The following DNAJB6 variants were observed in gnomAD, a reference collection of about 807,000 sequenced individuals.
DNAJB6 encodes the protein dnaJ homolog subfamily B member 6.
A neutral mutation model predicts 42.7 loss-of-function variants in DNAJB6; 16 were observed. That is an observed-to-expected ratio of 0.37 (90% CI 0.25 to 0.57). DNAJB6 has a LOEUF of 0.57. DNAJB6 is among the 20% of genes least tolerant of loss of function. DNAJB6 has a pLI of 0.74. For synonymous variants in DNAJB6, 170 were observed against 163.5 expected (o/e 1.04, Z -0.30); for missense variants, 347 against 416.8 (o/e 0.83, Z 1.46).
At chr7:157,344,428 G>A (rs563962978) in intron 1 of DNAJB6, among the ~76,000 whole-genome samples, 8 of 151,568 alleles carry the variant, frequency 5.3e-5, no homozygotes, top group Admixed American at 3.9e-4. Context: ...CAGGAGAATC[G>A]CTGGAACCAG....
At chr7:157,354,333 G>C (rs992686674) in intron 1 of DNAJB6, among the ~76,000 whole-genome samples, 8 of 151,970 alleles carry the variant, frequency 5.3e-5, no homozygotes, top group Non-Finnish European at 1.5e-5. Context: ...TTTTAGTAGA[G>C]ACAAGGTTGC....
intron 8 of DNAJB6, among the ~76,000 whole-genome samples, chr7:157,394,378 G>GT (rs905381745): frequency 1.6e-4 from 24 of 152,084 alleles, no homozygotes; most frequent in African/African-American, 5.8e-4. Flanking sequence ...CTTAAAAAAT[G>GT]TTTAAGTCCA....
At chr7:157,345,055 G>A (rs1392529225) in intron 1 of DNAJB6, among the ~76,000 whole-genome samples, 1 of 151,862 alleles carries the variant, frequency 6.6e-6, no homozygotes, top group African/African-American at 2.4e-5. Flanking sequence ...GTGCAATGGA[G>A]TGGTCTCGGC....
At chr7:157,346,361 C>G (rs1032686699) in intron 1 of DNAJB6, among the ~76,000 whole-genome samples, 1 of 143,292 alleles carries the variant, frequency 7.0e-6, no homozygotes, top group Non-Finnish European at 1.5e-5. Flanking sequence ...CTTAGTTTCT[C>G]TGTGACTAGG....
chr7:157,338,181 A>T (rs1798150564), intron 1 of DNAJB6, among the ~76,000 whole-genome samples: 1 of 152,236 alleles, frequency 6.6e-6, no homozygotes, highest in African/African-American at 2.4e-5. Context: ...TAACCATTAA[A>T]GCTTGATTGC....
chr7:157,361,564 T>C (rs1799599382), intron 2 of DNAJB6, among the ~76,000 whole-genome samples: 1 of 152,222 alleles, frequency 6.6e-6, no homozygotes, highest in African/African-American at 2.4e-5. Context: ...GTTGAACATG[T>C]TGTAAGTTAA....
chr7:157,371,258 C>G (rs1800196088), intron 5 of DNAJB6, among the ~76,000 whole-genome samples: 1 of 152,260 alleles, frequency 6.6e-6, no homozygotes, highest in Admixed American at 6.5e-5. Context: ...ATCATATTTA[C>G]TAGACCTGGT....
chr7:157,363,901 T>C (rs940490650), intron 3 of DNAJB6, among the ~76,000 whole-genome samples: 3 of 151,948 alleles, frequency 2.0e-5, no homozygotes, highest in African/African-American at 7.2e-5. Context: ...AGGCTGTGCA[T>C]GGGGCCTGGG....
chr7:157,341,249 C>CGAGT (rs1264775204), intron 1 of DNAJB6, among the ~76,000 whole-genome samples: 1 of 152,046 alleles, frequency 6.6e-6, no homozygotes, highest in Non-Finnish European at 1.5e-5. Context: ...CTCAGCCTCC[C>CGAGT]GAGTAGCTGT....
chr7:157,394,892 C>T (rs1042677061), intron 8 of DNAJB6, among the ~76,000 whole-genome samples: 1 of 152,152 alleles, frequency 6.6e-6, no homozygotes, highest in African/African-American at 2.4e-5. Context: ...TTGCTTGAGC[C>T]CAGCCTGGGC....
chr7:157,364,153 C>T (rs147346744), intron 3 of DNAJB6, among the ~76,000 whole-genome samples: 4 of 151,692 alleles, frequency 2.6e-5, no homozygotes, highest in East Asian at 3.9e-4. Flanking sequence ...TGCAGTGAGC[C>T]GAGATTGCGC....
At chr7:157,410,378 C>A in intron 9 of DNAJB6, 1 of 395,752 alleles carries the variant, frequency 2.5e-6, no homozygotes, top group Non-Finnish European at 4.4e-6. Flanking sequence ...CTGGTGGGGT[C>A]TGCGTTTGCC....
At chr7:157,407,931 T>C (rs941909553) in intron 8 of DNAJB6, among the ~76,000 whole-genome samples, 4 of 152,192 alleles carry the variant, frequency 2.6e-5, no homozygotes, top group Admixed American at 6.5e-5. Flanking sequence ...TGTTTCCTCC[T>C]GCTGCAGGCG....
intron 8 of DNAJB6, among the ~76,000 whole-genome samples, chr7:157,392,114 A>AAT (rs965061921): frequency 1.3e-5 from 2 of 151,714 alleles, no homozygotes; most frequent in Non-Finnish European, 2.9e-5. Flanking sequence ...AAAAAAAAAA[A>AAT]AAAGGATAGT....
chr7:157,369,769 A>G lies in DNAJB6; in HGVS notation c.346+2286A>G, dbSNP rs190289650. On this transcript the variant is annotated intron_variant, in intron 5 of 9. Transcript: ENST00000262177. ...GGCCCCTTCTTAACATTATTATTAA[A>G]CAGGCCTTTCATAACATTATTATTA... Among the ~76,000 whole-genome samples the G allele has an allele frequency of 2.0e-4, 30 of 150,170 alleles. 3 individuals are homozygous for G. The highest frequency in any genetic ancestry group is 7.4e-4 in the African/African-American group (30 of 40,356).
intron 2 of DNAJB6, among the ~76,000 whole-genome samples, chr7:157,362,079 T>C (rs1275793106): frequency 6.6e-6 from 1 of 152,186 alleles, no homozygotes; most frequent in Non-Finnish European, 1.5e-5. Flanking sequence ...TTTTTTGTAT[T>C]TAAATAGCGT....
At chr7:157,374,059 C>G (rs188147982) in intron 5 of DNAJB6, among the ~76,000 whole-genome samples, 1 of 152,088 alleles carries the variant, frequency 6.6e-6, no homozygotes, top group Non-Finnish European at 1.5e-5. Flanking sequence ...CCGTGATGTA[C>G]GAGACTGGTT....
At chr7:157,344,512 CAAAAAA>C (rs879823551) in intron 1 of DNAJB6, among the ~76,000 whole-genome samples, 1 of 133,154 alleles carries the variant, frequency 7.5e-6, no homozygotes, top group Non-Finnish European at 1.6e-5. Flanking sequence ...GACTCAAACT[CAAAAAA>C]AAAAAAAAGT....
chr7:157,359,449 G>A (rs1415172724), intron 2 of DNAJB6, among the ~76,000 whole-genome samples: 1 of 152,196 alleles, frequency 6.6e-6, no homozygotes, highest in African/African-American at 2.4e-5. Flanking sequence ...CTGGGCTCAA[G>A]CGATTCTCTT....
Sources: gnomAD v4.1 joint callset for allele counts (sites outside exome capture counted in the v4.1 genomes callset) on GRCh38, gnomAD v4.1.1 for gene constraint, MANE v1.5 for transcripts, NCBI Gene and HGNC (gene_info 2026-07-23, HGNC 2026-07-21) for gene names.